The following POLQ variants were observed in gnomAD, a reference collection of about 807,000 sequenced individuals.
POLQ encodes DNA polymerase theta.
POLQ carries 233 observed loss-of-function variants against 259.2 expected under a neutral mutation model. The observed-to-expected ratio is 0.90, with a 90% confidence interval of 0.81 to 1.00. The LOEUF (loss-of-function observed/expected upper bound fraction) is 1.00, where lower values mean the gene tolerates loss of function less well. Among genes scored for constraint, POLQ ranks in the 50% least tolerant of loss-of-function variants. The pLI is 0.00. For synonymous variants in POLQ, 1,025 were observed against 1,048.8 expected (o/e 0.98, Z 0.44); for missense variants, 2,871 against 3,051.6 (o/e 0.94, Z 1.39).
intron 6 of POLQ, among the ~76,000 whole-genome samples, chr3:121,531,832 A>G (rs1374147095): frequency 6.6e-6 from 1 of 152,250 alleles, no homozygotes; most frequent in African/African-American, 2.4e-5. Flanking sequence ...CAGGCGAAAT[A>G]TGGGGCACAG....
At chr3:121,529,210 CA>C (rs56021853) in intron 7 of POLQ, among the ~76,000 whole-genome samples, 90,058 of 151,898 alleles carry the variant, frequency 0.59, 27,716 homozygotes, top group East Asian at 0.89. Context: ...CCATGTCATT[CA>C]AGGGTCAACT....
intron 24 of POLQ, among the ~76,000 whole-genome samples, chr3:121,463,338 G>A (rs931594770): frequency 2.0e-5 from 3 of 152,148 alleles, no homozygotes; most frequent in African/African-American, 7.2e-5. Flanking sequence ...CTTCCACCAT[G>A]ATTGTGAGGC....
At chr3:121,455,652 A>T (rs1458702938) in intron 25 of POLQ, among the ~76,000 whole-genome samples, 1 of 152,208 alleles carries the variant, frequency 6.6e-6, no homozygotes, top group African/African-American at 2.4e-5. Context: ...GATAAATTCC[A>T]CGACACACAC....
At chr3:121,484,311 C>T (rs1281439618) in intron 17 of POLQ, among the ~76,000 whole-genome samples, 2 of 152,164 alleles carry the variant, frequency 1.3e-5, no homozygotes, top group Non-Finnish European at 2.9e-5. Context: ...AAAGACTTCT[C>T]CAAAGTTTAT....
chr3:121,508,501 C>T (rs1405729099), intron 12 of POLQ, among the ~76,000 whole-genome samples: 10 of 152,048 alleles, frequency 6.6e-5, no homozygotes, highest in Admixed American at 6.6e-4. Context: ...AGTGATGAGG[C>T]CAAAAGTTGA....
intron 12 of POLQ, among the ~76,000 whole-genome samples, chr3:121,498,950 T>G (rs1465357476): frequency 1.3e-5 from 2 of 152,050 alleles, no homozygotes; most frequent in Admixed American, 1.3e-4. Context: ...CTGTGGTGGT[T>G]CATGCCTGTA....
At chr3:121,542,811 A>AC (rs2048499848) in intron 2 of POLQ, among the ~76,000 whole-genome samples, 1 of 151,920 alleles carries the variant, frequency 6.6e-6, no homozygotes, top group Non-Finnish European at 1.5e-5. Flanking sequence ...TTAAACAAAA[A>AC]TTTTTTTTAA....
At chr3:121,460,742 C>T (rs2047784987) in intron 24 of POLQ, among the ~76,000 whole-genome samples, 1 of 152,052 alleles carries the variant, frequency 6.6e-6, no homozygotes, top group East Asian at 1.9e-4. Flanking sequence ...CCTGATTTGA[C>T]AATAACAAAG....
At chr3:121,464,392 C>T (rs542202846) in intron 24 of POLQ, among the ~76,000 whole-genome samples, 2 of 151,450 alleles carry the variant, frequency 1.3e-5, no homozygotes, top group African/African-American at 4.9e-5. Flanking sequence ...ACAACAACAA[C>T]AATAATAATA....
chr3:121,494,270 G>A, intron 14 of POLQ: 10 of 1,594,798 alleles, frequency 6.3e-6, no homozygotes, highest in Non-Finnish European at 6.8e-6. Flanking sequence ...CACCCGCTTT[G>A]TGAAACGGCC....
At chr3:121,494,758 G>A in intron 14 of POLQ, 2 of 1,524,844 alleles carry the variant, frequency 1.3e-6, no homozygotes, top group Non-Finnish European at 1.8e-6. Context: ...CTTTGGCTAA[G>A]CTGGTGGAAG....
At chr3:121,541,517 G>A (rs763635390) in intron 2 of POLQ, 38 bp from the exon 3 acceptor site, 2 of 1,536,322 alleles carry the variant, frequency 1.3e-6, no homozygotes, top group Non-Finnish European at 8.9e-7. Flanking sequence ...TAAGAAAAAA[G>A]TAATATTCGG....
chr3:121,498,269 T>C (rs1248846845), intron 13 of POLQ, among the ~76,000 whole-genome samples: 2 of 151,244 alleles, frequency 1.3e-5, no homozygotes, highest in Non-Finnish European at 2.9e-5. Flanking sequence ...GAGATCGCGC[T>C]ATTGCACTCC....
intron 2 of POLQ, among the ~76,000 whole-genome samples, chr3:121,544,463 T>C (rs1286461239): frequency 6.6e-6 from 1 of 152,218 alleles, no homozygotes; most frequent in Non-Finnish European, 1.5e-5. Flanking sequence ...CTCACTGGGA[T>C]ATATGTTTGT....
chr3:121,482,764 A>AC (rs1247613637), intron 18 of POLQ, among the ~76,000 whole-genome samples: 1 of 152,066 alleles, frequency 6.6e-6, no homozygotes, highest in African/African-American at 2.4e-5. Flanking sequence ...CATAATTCTG[A>AC]CAATTACTTT....
At chr3:121,478,252 AC>A in intron 19 of POLQ, among the ~76,000 whole-genome samples, 1 of 152,214 alleles carries the variant, frequency 6.6e-6, no homozygotes, top group Admixed American at 6.5e-5. Flanking sequence ...CAGGAGCAAA[AC>A]CTTTCTAAGG....
At position 121,489,944 on chromosome 3, in the gene POLQ, A is replaced by G. The variant is rs1560098026; in HGVS notation, c.2987T>C (p.Ile996Thr). The change falls in exon 16 of 30, where the codon ATA becomes ACA. Residue 996 changes from isoleucine (I) to threonine (T), a missense_variant. This residue lies in a region of POLQ where 2,080 missense variants were observed against 2,126.0 expected (regional missense o/e 0.98). Transcript: ENST00000264233. ...FRARKRASLD[I>T]NKEKPGASQN... is the part of the protein sequence containing the mutation. ...AGAGGCTCCTGGCTTCTCTTTATTT[A>G]TATCTAAAGAGGCCCGTTTTCTTGC... 6.3e-7 allele frequency: 1 copy of G among 1,578,208 alleles called. No homozygotes were observed. Among genetic ancestry groups the G allele is most frequent in the East Asian group, 2.2e-5 (1 of 44,762 alleles).
At chr3:121,459,956 C>T (rs959801823) in intron 25 of POLQ, 94 bp downstream of exon 25, 1 of 914,634 alleles carries the variant, frequency 1.1e-6, no homozygotes. Context: ...GTTGGAGAAA[C>T]TGTTTCTCAG....
chr3:121,432,986 CTCT>C lies in POLQ; in HGVS notation c.7588_7590del (p.Arg2530del). On this transcript the variant is annotated inframe_deletion, in exon 29 of 30. Coordinates refer to ENST00000264233, the MANE Select transcript of POLQ (RefSeq NM_199420.4). ...TGGAGTTGAAGGATGAAGAAGCCTC[CTCT>C]GATTGGGCAGAACATCCCTTGCAGT... The C allele has an allele frequency of 6.2e-7, 1 of 1,612,886 alleles. No homozygotes were observed. Among genetic ancestry groups the C allele is most frequent in the East Asian group, 2.2e-5 (1 of 44,874 alleles).
Sources: gnomAD v4.1 joint callset for allele counts (sites outside exome capture counted in the v4.1 genomes callset) on GRCh38, gnomAD v4.1.1 for gene constraint, gnomAD v4.1.1 regional missense constraint, MANE v1.5 for transcripts, NCBI Gene and HGNC (gene_info 2026-07-23, HGNC 2026-07-21) for gene names.